MEOX1: variants seen among roughly 807,000 people sequenced by gnomAD.
MEOX1 encodes mesenchyme homeobox 1.
Under a neutral mutation model 23.2 loss-of-function variants are expected in MEOX1, and 17 were observed. That is an observed-to-expected ratio of 0.73 (90% confidence interval 0.50 to 1.10). The LOEUF (loss-of-function observed/expected upper bound fraction) is 1.10. Among genes scored for constraint, MEOX1 ranks in the 50% least tolerant of loss-of-function variants. The pLI, the probability that MEOX1 is intolerant of heterozygous loss-of-function variation, is 0.00. For missense variants in MEOX1, 333 were observed against 332.2 expected (o/e 1.00, Z -0.02); for synonymous variants, 134 against 135.1 (o/e 0.99, Z 0.06).
At chr17:43,655,375 G>A (rs1195811464) in intron 1 of MEOX1, among the ~76,000 whole-genome samples, 1 of 151,708 alleles carries the variant, frequency 6.6e-6, no homozygotes, top group Non-Finnish European at 1.5e-5. Flanking sequence ...GGAGGCTGAG[G>A]CAGGAGAATC....
chr17:43,660,976 C>A (rs1973127076), intron 1 of MEOX1, 90 bp downstream of exon 1: 7 of 813,716 alleles, frequency 8.6e-6, no homozygotes, highest in Non-Finnish European at 1.3e-5. Context: ...GACAGAAATT[C>A]ATGCTCAGAG....
At chr17:43,645,689 G>A (rs749911006) in intron 1 of MEOX1, among the ~76,000 whole-genome samples, 1 of 152,202 alleles carries the variant, frequency 6.6e-6, no homozygotes, top group Non-Finnish European at 1.5e-5. Context: ...AAGCAGAGAA[G>A]CCGCCTATGC....
chr17:43,643,305 T>TCAAAAAA (rs1424547607), intron 2 of MEOX1, among the ~76,000 whole-genome samples, 183 bp downstream of exon 2: 1 of 151,848 alleles, frequency 6.6e-6, no homozygotes, highest in Non-Finnish European at 1.5e-5. Context: ...AGACTCCGTC[T>TCAAAAAA]CAAAAAACAA....
intron 1 of MEOX1, among the ~76,000 whole-genome samples, chr17:43,658,398 T>C (rs1423763127): frequency 6.6e-6 from 1 of 151,178 alleles, no homozygotes; most frequent in African/African-American, 2.4e-5. Flanking sequence ...TCCCAGCTAC[T>C]CAGGAGGCTG....
chr17:43,643,681 A>G, intron 1 of MEOX1, 21 bp from the exon 2 acceptor site: 1 of 1,606,674 alleles, frequency 6.2e-7, no homozygotes, highest in Non-Finnish European at 8.5e-7. Context: ...AGGACCCCAA[A>G]CAGGAAGACA....
chr17:43,656,031 A>G (rs1215150821), intron 1 of MEOX1, among the ~76,000 whole-genome samples: 1 of 152,208 alleles, frequency 6.6e-6, no homozygotes, highest in Non-Finnish European at 1.5e-5. Context: ...TTCAAATATA[A>G]GATGTCCCAG....
intron 1 of MEOX1, among the ~76,000 whole-genome samples, chr17:43,648,706 A>G (rs1020069907): frequency 6.6e-6 from 1 of 152,090 alleles, no homozygotes; most frequent in Non-Finnish European, 1.5e-5. Context: ...TCCATTGAGA[A>G]CCCTTAGCCT....
intron 1 of MEOX1, among the ~76,000 whole-genome samples, chr17:43,645,131 GGGGCTCTAACATTTAAA>G: frequency 6.6e-6 from 1 of 151,800 alleles, no homozygotes; most frequent in Admixed American, 6.6e-5. Flanking sequence ...GCAGGAGCCC[GGGGCTCTAACATTTAAA>G]AGACGTTTGC....
intron 1 of MEOX1, among the ~76,000 whole-genome samples, chr17:43,654,372 G>A (rs1461177529): frequency 6.6e-6 from 1 of 152,118 alleles, no homozygotes; most frequent in Non-Finnish European, 1.5e-5. Context: ...GCCAGGTGTG[G>A]TGGCACACGC....
At chr17:43,659,274 G>C (rs1272413790) in intron 1 of MEOX1, among the ~76,000 whole-genome samples, 1 of 152,206 alleles carries the variant, frequency 6.6e-6, no homozygotes, top group East Asian at 1.9e-4. Context: ...ACCAGGTTCA[G>C]AGCCAAGTCG....
chr17:43,655,480 A>AC (rs1340388502), intron 1 of MEOX1, among the ~76,000 whole-genome samples: 1 of 151,836 alleles, frequency 6.6e-6, no homozygotes, highest in African/African-American at 2.4e-5. Context: ...AAAAAAAAAA[A>AC]AAAGAAGAAA....
chr17:43,642,364 C>T (rs1483657148), intron 2 of MEOX1, among the ~76,000 whole-genome samples: 1 of 152,194 alleles, frequency 6.6e-6, no homozygotes, highest in African/African-American at 2.4e-5. Context: ...GGTCTGGGAG[C>T]AGAGGTCATC....
At chr17:43,652,321 T>TGACAGCAGGGGGCAAAGAC (rs1972933325) in intron 1 of MEOX1, among the ~76,000 whole-genome samples, 1 of 152,136 alleles carries the variant, frequency 6.6e-6, no homozygotes, top group Non-Finnish European at 1.5e-5. Flanking sequence ...CAGGCCCGGC[T>TGACAGCAGGGGGCAAAGAC]GACAGCAGGG....
At chr17:43,657,176 T>C (rs1184220255) in intron 1 of MEOX1, among the ~76,000 whole-genome samples, 7 of 138,770 alleles carry the variant, frequency 5.0e-5, no homozygotes, top group African/African-American at 1.9e-4. Context: ...CTTTCTTTTT[T>C]TTTTTTTTTT....
chr17:43,658,948 G>A (rs954507749), intron 1 of MEOX1, among the ~76,000 whole-genome samples: 1 of 152,192 alleles, frequency 6.6e-6, no homozygotes, highest in Non-Finnish European at 1.5e-5. Flanking sequence ...CCCTGCGGAT[G>A]GGAACCTCCC....
At chr17:43,657,026 CTTTCT>C (rs1435403834) in intron 1 of MEOX1, among the ~76,000 whole-genome samples, 1 of 127,632 alleles carries the variant, frequency 7.8e-6, no homozygotes, top group African/African-American at 2.8e-5. Context: ...TTCTTTCTTT[CTTTCT>C]TTCTTTCTTT....
intron 1 of MEOX1, among the ~76,000 whole-genome samples, chr17:43,648,922 G>A (rs893396760): frequency 5.3e-5 from 8 of 152,124 alleles, no homozygotes; most frequent in Non-Finnish European, 8.8e-5. Flanking sequence ...CAGACGTGTC[G>A]GAGGACCTGT....
At chr17:43,642,827 C>T (rs1295996247) in intron 2 of MEOX1, among the ~76,000 whole-genome samples, 2 of 152,224 alleles carry the variant, frequency 1.3e-5, no homozygotes, top group East Asian at 3.8e-4. Flanking sequence ...CCAGAATCCA[C>T]ATTTTGAACA....
intron 1 of MEOX1, among the ~76,000 whole-genome samples, chr17:43,653,163 G>C (rs888869531): frequency 1.5e-5 from 2 of 131,698 alleles, no homozygotes; most frequent in African/African-American, 5.7e-5. Context: ...TTTTTGAGAC[G>C]GAATCTCACT....
Sources: gnomAD v4.1 joint callset for allele counts (sites outside exome capture counted in the v4.1 genomes callset) on GRCh38, gnomAD v4.1.1 for gene constraint, MANE v1.5 for transcripts, NCBI Gene and HGNC (gene_info 2026-07-23, HGNC 2026-07-21) for gene names.